GMIP: variants seen among roughly 807,000 people sequenced by gnomAD.
GMIP encodes GEM interacting protein, also known as GEM-interacting protein.
A neutral mutation model predicts 105.3 loss-of-function variants in GMIP; 54 were observed. That is an observed-to-expected ratio of 0.51 (90% CI 0.41 to 0.64). GMIP has a LOEUF of 0.64. Among genes scored for constraint, GMIP ranks in the 30% least tolerant of loss-of-function variants. GMIP has a pLI of 0.00. For missense variants in GMIP, 1,110 were observed against 1,319.4 expected (o/e 0.84, Z 2.46); for synonymous variants, 541 against 560.8 (o/e 0.96, Z 0.50).
chr19:19,638,339 G>A lies in GMIP; in HGVS notation c.619-10C>T, dbSNP rs957317094. 1.2e-6 allele frequency: 2 copies of A among 1,614,110 alleles called. No homozygotes were observed. On this transcript the variant is annotated splice_polypyrimidine_tract_variant and intron_variant, in intron 8 of 20. Transcript: ENST00000203556. ...CCTGCACCGCCTCATTCTGGGGGAT[G>A]ATGAGAAGGTCAGCGTCCCGGCCTC...
At chr19:19,643,126 T>C in intron 1 of GMIP, 1 of 253,636 alleles carries the variant, frequency 3.9e-6, no homozygotes, top group Non-Finnish European at 7.5e-6. Flanking sequence ...CCCTGCCCCC[T>C]CTCCTAAGGG....
chr19:19,630,196 G>C lies in GMIP; in HGVS notation c.2680C>G (p.Leu894Val), dbSNP rs2061779178. ...GATGTGATGGGGGTCTCCTCGCACA[G>C]CTTGGAAGCCACCAGGGCCAGACTG... The part of the protein sequence containing the change: ...LSSLALVASK[L>V]CEETPITSVP... The change falls in exon 21 of 21, where the codon CTG (leucine) becomes GTG (valine). Residue 894 changes from leucine (L) to valine (V), a missense_variant. By Grantham distance (32) the Leu-to-Val change is conservative (BLOSUM62 1). Around this residue, in one of 3 missense-constraint regions of GMIP, gnomAD observed 394 missense variants for 450.5 expected, o/e 0.87. Coordinates refer to ENST00000203556, the MANE Select transcript of GMIP (RefSeq NM_016573.4). The surrounding 1 kb of genome is among the most constrained non-coding windows in gnomAD (Gnocchi z 4.8). 6.2e-7 allele frequency: 1 copy of C among 1,600,388 alleles called. No individual in the cohort carries two copies. Among genetic ancestry groups the C allele is most frequent in the Non-Finnish European group, 8.5e-7 (1 of 1,170,202 alleles).
rs2061848493 is a variant in GMIP, at chr19:19,635,824, G to A, written c.1328-103C>T. 3 of 944,406 alleles carry A rather than the reference G, an allele frequency of 3.2e-6. No individual in the cohort carries two copies. The highest frequency in any genetic ancestry group is 1.6e-5 in the African/African-American group (1 of 62,498). The allele number at this position is 944,406 out of a possible 1,614,324, so 58.5% of individuals were successfully genotyped here. ...CTAATTCCCAAGGGGTCAGAGGTCA[G>A]GAGGGGGATTGGACAGGTCAGTGGT... On this transcript the variant is annotated intron_variant, in intron 13 of 20. Coordinates refer to ENST00000203556, the MANE Select transcript of GMIP (RefSeq NM_016573.4). This position sits in a 1 kb window ranked among gnomAD's most constrained non-coding sequence, Gnocchi z 4.7.
rs2061869649 is a variant in GMIP, at chr19:19,637,616, A to AGGGCCAGAGCTGGGGCG, written c.928-72_928-56dup. On this transcript the variant is annotated intron_variant, in intron 10 of 20. Transcript: ENST00000203556. The surrounding 1 kb of genome is among the most constrained non-coding windows in gnomAD (Gnocchi z 6.7). Reference sequence around the variant, plus strand: ...GGGCGGAGCCTGGGAGCCTGGGGGCAGGGCCAGAGCTGGGGCGGGGCTTGA... The same window carrying AGGGCCAGAGCTGGGGCG: ...GGGCGGAGCCTGGGAGCCTGGGGGCAGGGCCAGAGCTGGGGCGGGGCCAGAGCTGGGGCGGGGCTTGA... 7.3e-7 allele frequency: 1 copy of AGGGCCAGAGCTGGGGCG among 1,369,552 alleles called. No homozygotes were observed. The highest frequency in any genetic ancestry group is 9.7e-7 in the Non-Finnish European group (1 of 1,032,008). 84.8% of individuals were successfully genotyped at this position (1,369,552 alleles called of 1,614,324 possible).
chr19:19,634,889 C>A lies in GMIP; in HGVS notation c.1790G>T (p.Arg597Leu). ...GCCATTCTCGAAAGCCTGGCACAGC[C>A]GCTCCACACGGACCCGGGACCCGCT... ...RVSGSRVRVE[R>L]LCQAFENGRA... The change falls in exon 17 of 21, where the codon CGG (arginine) becomes CTG (leucine). Residue 597 changes from arginine (R) to leucine (L), a missense_variant. By Grantham distance (102) the Arg-to-Leu change is moderately radical (BLOSUM62 -2). Around this residue, in one of 3 missense-constraint regions of GMIP, gnomAD observed 49 missense variants for 95.6 expected, o/e 0.51. Transcript: ENST00000203556. This position sits in a 1 kb window ranked among gnomAD's most constrained non-coding sequence, Gnocchi z 6.1. The A allele has an allele frequency of 6.2e-7, 1 of 1,614,060 alleles. No individual in the cohort carries two copies. The highest frequency in any genetic ancestry group is 1.1e-5 in the South Asian group (1 of 91,088).
Position 19,635,042 on chromosome 19 carries a change from G to T in GMIP, c.1732C>A (p.Arg578Ser). Residue 578 changes from arginine to serine, a missense_variant, in exon 16 of 21, where the codon CGT becomes AGT. Coordinates refer to ENST00000203556, the MANE Select transcript of GMIP (RefSeq NM_016573.4). The surrounding 1 kb of genome is among the most constrained non-coding windows in gnomAD (Gnocchi z 4.7). The part of the protein sequence containing the change: ...VTKCTAEIEH[R>S]ALDVQGIYRV... ...GGCAGCACCTGCACATCCAGGGCAC[G>T]GTGTTCTATCTCAGCCGTGCACTTC... 1 of 1,613,926 alleles carries T rather than the reference G, an allele frequency of 6.2e-7. No individual in the cohort carries two copies. Among genetic ancestry groups the T allele is most frequent in the Non-Finnish European group, 8.5e-7 (1 of 1,179,938 alleles).
At chr19:19,642,423 A>G in intron 2 of GMIP, 112 bp downstream of exon 2, 1 of 701,538 alleles carries the variant, frequency 1.4e-6, no homozygotes, top group Non-Finnish European at 2.6e-6. Context: ...TCTGGTTATT[A>G]GGTATGTAGG....
chr19:19,643,340 G>C (rs4808975), intron 1 of GMIP, 171 bp downstream of exon 1: 126,569 of 517,492 alleles, frequency 0.24, 16,608 homozygotes, highest in African/African-American at 0.36. Flanking sequence ...GAAGGGCTGG[G>C]GTCCTGAACC....
In GMIP at chr19:19,637,668, GACGCACCTGGGCGGCTTAGGA is replaced by G. The variant is rs2061870299; in HGVS notation, c.928-128_928-108del. The G allele has an allele frequency of 1.0e-6, 1 of 997,084 alleles. No homozygotes were observed. The highest frequency in any genetic ancestry group is 1.4e-6 in the Non-Finnish European group (1 of 706,878). The allele number at this position is 997,084 out of a possible 1,614,324, so 61.8% of individuals were successfully genotyped here. ...AGACGCGAACGTGGTCAGGGTTTGG[GACGCACCTGGGCGGCTTAGGA>G]ACTAGGGCAGTCGGCCAGGGGACCC... On this transcript the variant is annotated intron_variant, in intron 10 of 20. Transcript: ENST00000203556. This position sits in a 1 kb window ranked among gnomAD's most constrained non-coding sequence, Gnocchi z 6.7.
At position 19,638,336 on chromosome 19, in the gene GMIP, G is replaced by A. The variant is rs1031536248; in HGVS notation, c.619-7C>T. On this transcript the variant is annotated splice_region_variant and splice_polypyrimidine_tract_variant and intron_variant, in intron 8 of 20. Coordinates refer to ENST00000203556, the MANE Select transcript of GMIP (RefSeq NM_016573.4). ...GTGCCTGCACCGCCTCATTCTGGGG[G>A]ATGATGAGAAGGTCAGCGTCCCGGC... 4 of 1,613,846 alleles carry A rather than the reference G, an allele frequency of 2.5e-6. No homozygotes were observed. Among genetic ancestry groups the A allele is most frequent in the Admixed American group, 1.7e-5 (1 of 59,976 alleles).
chr19:19,643,225 A>T (rs561217742), intron 1 of GMIP: 352 of 425,284 alleles, frequency 8.3e-4, no homozygotes, highest in Non-Finnish European at 1.2e-3. Flanking sequence ...CAGTCGTGGC[A>T]CCCTGCCCCC....
rs2061943589 is a variant in GMIP, at chr19:19,643,289, C to T, written c.19+222G>A. ...ACTTCCCCTTCCTGGGCCCCCTCCCCCAGGCGTCTGGGGTGAGGGATCAAA... is the reference window on the plus strand; with the variant it reads ...ACTTCCCCTTCCTGGGCCCCCTCCCTCAGGCGTCTGGGGTGAGGGATCAAA... On this transcript the variant is annotated intron_variant, in intron 1 of 20. Transcript: ENST00000203556. 5 of 471,078 alleles carry T rather than the reference C, an allele frequency of 1.1e-5. No homozygotes were observed. The South Asian group carries it at 2.2e-4, about 21-fold the overall frequency. The allele number at this position is 471,078 out of a possible 1,614,324, so 29.2% of individuals were successfully genotyped here.
rs117038725 is a variant in GMIP at position 19,633,883 on chromosome 19, G to A, written c.2392C>T (p.Pro798Ser). 0.014 allele frequency: 21,269 copies of A among 1,508,682 alleles called. 568 individuals carry two copies. Among genetic ancestry groups the A allele is most frequent in the South Asian group, 0.08 (6,111 of 76,118 alleles). The allele number at this position is 1,508,682 out of a possible 1,614,324, so 93.5% of individuals were successfully genotyped here. The change falls in exon 19 of 21, where the codon CCA (proline) becomes TCA (serine). Residue 798 changes from proline to serine, a missense_variant. By Grantham distance (74) the Pro-to-Ser change is moderately conservative. Around this residue, in one of 3 missense-constraint regions of GMIP, gnomAD observed 394 missense variants for 450.5 expected, o/e 0.87. Coordinates refer to ENST00000203556, the MANE Select transcript of GMIP (RefSeq NM_016573.4). ...GGGCCGGGGTCTGAGGCTAGGACTG[G>A]GGGCTGGGAGTCTGGGTCAAGGTGC... Reference protein sequence around the residue: ...PPHLDPDSQPPVLASDPGPDP... With the variant: ...PPHLDPDSQPSVLASDPGPDP...
Position 19,636,777 on chromosome 19 carries a change from C to G in GMIP, c.1257G>C (p.Pro419=), listed in dbSNP as rs142302359. The part of the protein sequence containing the change: ...WRWQGTPGPT[P]GSDVDSVGGG... ...CACCCACGCTGTCCACATCGCTGCC[C>G]GGAGTGGGGCCTGGAGTCCCTAGGT... is the stretch of plus-strand genomic sequence containing the variant. The change falls in exon 13 of 21, where the codon CCG becomes CCC. Residue 419 remains proline, a synonymous_variant. Coordinates refer to ENST00000203556, the MANE Select transcript of GMIP (RefSeq NM_016573.4). 42 of 1,612,354 alleles carry G rather than the reference C, an allele frequency of 2.6e-5. No individual in the cohort carries two copies. The highest frequency in any genetic ancestry group is 3.3e-5 in the Non-Finnish European group (39 of 1,179,306).
In GMIP at chr19:19,640,530, C is replaced by T. The variant is rs1698404317; in HGVS notation, c.280G>A (p.Val94Met). 6.2e-7 allele frequency: 1 copy of T among 1,613,928 alleles called. No homozygotes were observed. The highest frequency in any genetic ancestry group is 1.3e-5 in the African/African-American group (1 of 74,878). Residue 94 changes from valine (V) to methionine (M), a missense_variant, in exon 5 of 21, where the codon GTG (valine) becomes ATG (methionine). Val to Met is a conservative substitution (Grantham distance 21, BLOSUM62 1). Around this residue, in one of 3 missense-constraint regions of GMIP, gnomAD observed 667 missense variants for 773.2 expected, o/e 0.86. Transcript: ENST00000203556. The stretch of plus-strand genomic sequence containing the variant: ...TTGGCATATTCCAGGGCTGCGTCCA[C>T]ACCCCCCTTTGTCCGAATGAGCCGC... ...DLRLIRTKGG[V>M]DAALEYAKTW...
chr19:19,638,498 G>A lies in GMIP; in HGVS notation c.538-16C>T, dbSNP rs768598963. 3.1e-6 allele frequency: 5 copies of A among 1,610,824 alleles called. No homozygotes were observed. The highest frequency in any genetic ancestry group is 4.2e-6 in the Non-Finnish European group (5 of 1,177,746). The stretch of plus-strand genomic sequence containing the variant: ...CGGCGAGGGGCTGGCAAGGGTTGGG[G>A]ATGGGGATGGAGACGCTGCCTTAGG... On this transcript the variant is annotated splice_polypyrimidine_tract_variant and intron_variant, in intron 7 of 20. Coordinates refer to ENST00000203556, the MANE Select transcript of GMIP (RefSeq NM_016573.4).
intron 4 of GMIP, among the ~76,000 whole-genome samples, chr19:19,641,156 C>T (rs2061914851): frequency 6.6e-6 from 1 of 152,092 alleles, no homozygotes; most frequent in Non-Finnish European, 1.5e-5. Context: ...TTTTGCCTCA[C>T]TGCAAGCTCC....
chr19:19,637,436 C>A lies in GMIP; in HGVS notation c.1053G>T (p.Ala351=). The A allele has an allele frequency of 6.6e-7, 1 of 1,506,666 alleles. No individual in the cohort carries two copies. The allele number at this position is 1,506,666 out of a possible 1,614,324, so 93.3% of individuals were successfully genotyped here. A position where few individuals can be genotyped will look rare whatever the true frequency, so the allele number is the denominator to read the frequency against. ...PGQRYQEFVR[A]LRPEAPPPPP... is the part of the protein sequence containing the mutation. ...GGGGCGGCGGGGCCTCGGGCCGCAG[C>A]GCCCGTACAAACTCCTGGTAGCGCT... The change falls in exon 11 of 21, where the codon GCG becomes GCT. Residue 351 remains alanine (A), a synonymous_variant. Transcript: ENST00000203556. The surrounding 1 kb of genome is among the most constrained non-coding windows in gnomAD (Gnocchi z 6.7).
At position 19,636,844 on chromosome 19, in the gene GMIP, C is replaced by T. The variant is rs761693374; in HGVS notation, c.1238-48G>A. The T allele has an allele frequency of 3.8e-6, 6 of 1,568,158 alleles. No homozygotes were observed. In the Admixed American group the frequency reaches 1.0e-4, roughly 27 times the overall value. ...GATGGTCCCCTGCTCACAAACCCCACTCCTGCAGCCCACCTATGTGTTGGT... is the reference window on the plus strand; with the variant it reads ...GATGGTCCCCTGCTCACAAACCCCATTCCTGCAGCCCACCTATGTGTTGGT... On this transcript the variant is annotated intron_variant, in intron 12 of 20. Transcript: ENST00000203556.
Sources: gnomAD v4.1 joint callset for allele counts (sites outside exome capture counted in the v4.1 genomes callset) on GRCh38, gnomAD v4.1.1 for gene constraint, gnomAD v4.1.1 regional missense constraint, Gnocchi (gnomAD v3.1) non-coding constraint, MANE v1.5 for transcripts, NCBI Gene and HGNC (gene_info 2026-07-23, HGNC 2026-07-21) for gene names.